SLC24A3: variants seen among roughly 807,000 people sequenced by gnomAD.
SLC24A3 encodes the protein solute carrier family 24 member 3, also known as sodium/potassium/calcium exchanger 3.
A neutral mutation model predicts 75.8 loss-of-function variants in SLC24A3; 28 were observed. That is an observed-to-expected ratio of 0.37 (90% CI 0.27 to 0.51). SLC24A3 has a LOEUF of 0.51. SLC24A3 is among the 20% of genes least tolerant of loss of function. SLC24A3 has a pLI of 0.94. For synonymous variants in SLC24A3, 372 were observed against 334.1 expected, an observed-to-expected ratio of 1.11 and a Z score of -1.24; for missense variants, 663 against 847.8, an observed-to-expected ratio of 0.78 and a Z score of 2.71.
At chr20:19,510,284 G>T (rs1052222375) in intron 2 of SLC24A3, among the ~76,000 whole-genome samples, 11 of 152,148 alleles carry the variant, frequency 7.2e-5, no homozygotes, top group Non-Finnish European at 1.3e-4. Context: ...TAACATTGGG[G>T]TCCTACCATG....
intron 7 of SLC24A3, among the ~76,000 whole-genome samples, chr20:19,656,009 T>C (rs1485793754): frequency 6.6e-6 from 1 of 152,166 alleles, no homozygotes; most frequent in Non-Finnish European, 1.5e-5. Flanking sequence ...TCTCTAGGTT[T>C]CAGTTTTCTT....
intron 2 of SLC24A3, among the ~76,000 whole-genome samples, chr20:19,404,752 A>G (rs572403269): frequency 2.6e-5 from 4 of 152,316 alleles, no homozygotes; most frequent in African/African-American, 4.8e-5. Flanking sequence ...TGCATGATGC[A>G]TGCAGCTCCT....
chr20:19,346,187 T>C (rs1985409162), intron 2 of SLC24A3, among the ~76,000 whole-genome samples: 1 of 79,112 alleles, frequency 1.3e-5, no homozygotes, highest in Non-Finnish European at 2.1e-5. Context: ...ATATATGGTG[T>C]ATATATATAT....
At chr20:19,666,465 C>A (rs1161142653) in intron 8 of SLC24A3, among the ~76,000 whole-genome samples, 1 of 151,986 alleles carries the variant, frequency 6.6e-6, no homozygotes, top group Non-Finnish European at 1.5e-5. Context: ...AAGATCACAC[C>A]ACTGCACTCC....
At chr20:19,526,082 C>T (rs1477933333) in intron 3 of SLC24A3, among the ~76,000 whole-genome samples, 1 of 152,134 alleles carries the variant, frequency 6.6e-6, no homozygotes, top group South Asian at 2.1e-4. Flanking sequence ...GCTGTGTCAC[C>T]CCACTGCCAG....
At chr20:19,548,377 T>A (rs2030636654) in intron 3 of SLC24A3, among the ~76,000 whole-genome samples, 1 of 152,230 alleles carries the variant, frequency 6.6e-6, no homozygotes, top group African/African-American at 2.4e-5. Context: ...GCAGTTTTTT[T>A]AATTTAACAA....
intron 2 of SLC24A3, among the ~76,000 whole-genome samples, chr20:19,508,295 T>C (rs1988489098): frequency 1.3e-5 from 2 of 152,042 alleles, no homozygotes; most frequent in South Asian, 4.1e-4. Flanking sequence ...GAGAGACCAA[T>C]CCCTCAAGTT....
Position 19,256,822 on chromosome 20 carries a change from A to G in SLC24A3, c.143-24137A>G, listed in dbSNP as rs187927681. On this transcript the variant is annotated intron_variant, in intron 1 of 16. Transcript: ENST00000328041. ...TATGATACTTAAGCTATGTATTGAT[A>G]AAGCTGATAAAATAGTTTTTATAAT... Among the ~76,000 whole-genome samples, 10 of 152,210 alleles carry G rather than the reference A, an allele frequency of 6.6e-5. No homozygotes were observed. In the East Asian group the frequency reaches 1.9e-3, roughly 29 times the overall value.
intron 3 of SLC24A3, among the ~76,000 whole-genome samples, chr20:19,555,934 AC>A (rs1281270622): frequency 6.6e-6 from 1 of 152,154 alleles, no homozygotes; most frequent in Non-Finnish European, 1.5e-5. Context: ...TGCCTTATAA[AC>A]CACAGAAATT....
chr20:19,337,489 A>T lies in SLC24A3; in HGVS notation c.271+56402A>T, dbSNP rs536832856. ...ATAAATAAATTAATTAATTAATTAA[A>T]TAAAAGTCCACACATGGTAGTTCTT... On this transcript the variant is annotated intron_variant, in intron 2 of 16. Coordinates refer to ENST00000328041, the MANE Select transcript of SLC24A3 (RefSeq NM_020689.4). Among the ~76,000 whole-genome samples the T allele has an allele frequency of 1.5e-4, 23 of 152,046 alleles. No individual in the cohort carries two copies. In the East Asian group the frequency reaches 2.1e-3, roughly 14 times the overall value.
intron 15 of SLC24A3, among the ~76,000 whole-genome samples, chr20:19,700,229 C>T (rs1451182626): frequency 6.6e-6 from 1 of 152,170 alleles, no homozygotes. Flanking sequence ...TGGTTTTTTA[C>T]TCAAATTCCA....
intron 1 of SLC24A3, among the ~76,000 whole-genome samples, chr20:19,227,963 T>C (rs1341877139): frequency 6.6e-6 from 1 of 152,208 alleles, no homozygotes; most frequent in Non-Finnish European, 1.5e-5. Flanking sequence ...TTCTTTTTGT[T>C]CATAGTGTGT....
intron 3 of SLC24A3, among the ~76,000 whole-genome samples, chr20:19,521,486 G>C (rs975244375): frequency 3.9e-5 from 6 of 152,016 alleles, no homozygotes; most frequent in Admixed American, 2.0e-4. Flanking sequence ...AGCAAAAGTG[G>C]AGACTTATGT....
intron 2 of SLC24A3, among the ~76,000 whole-genome samples, chr20:19,396,176 A>G (rs1456767131): frequency 2.0e-5 from 3 of 152,206 alleles, no homozygotes; most frequent in Non-Finnish European, 2.9e-5. Context: ...TAGCTCGCAA[A>G]GGTTGATGTG....
chr20:19,382,802 G>A (rs1285317455), intron 2 of SLC24A3, among the ~76,000 whole-genome samples: 5 of 152,174 alleles, frequency 3.3e-5, no homozygotes, highest in South Asian at 2.1e-4. Flanking sequence ...GATTCAAGCA[G>A]GAGGTTGTTT....
At chr20:19,275,196 C>T (rs1419333959) in intron 1 of SLC24A3, among the ~76,000 whole-genome samples, 2 of 152,174 alleles carry the variant, frequency 1.3e-5, no homozygotes, top group South Asian at 2.1e-4. Flanking sequence ...AAGGCCACTT[C>T]CCTGGGCTCC....
intron 15 of SLC24A3, among the ~76,000 whole-genome samples, chr20:19,713,099 T>C (rs1367757872): frequency 1.3e-5 from 2 of 152,226 alleles, no homozygotes; most frequent in Admixed American, 1.3e-4. Flanking sequence ...AATTTTACCA[T>C]GTAAAATGGC....
intron 1 of SLC24A3, among the ~76,000 whole-genome samples, chr20:19,272,262 C>T (rs1376091988): frequency 6.6e-6 from 1 of 152,238 alleles, no homozygotes; most frequent in Non-Finnish European, 1.5e-5. Context: ...AACTCAGACT[C>T]CAGTGGTCTC....
chr20:19,575,920 A>C (rs530429456), intron 3 of SLC24A3, among the ~76,000 whole-genome samples: 8 of 152,304 alleles, frequency 5.3e-5, no homozygotes, highest in Non-Finnish European at 1.0e-4. Flanking sequence ...ACATCAGAAA[A>C]AGTGGAGATG....
Sources: allele counts gnomAD v4.1 joint callset (sites outside exome capture counted in the v4.1 genomes callset), GRCh38; gene constraint gnomAD v4.1.1; transcripts MANE v1.5; gene names NCBI Gene and HGNC (gene_info 2026-07-23, HGNC 2026-07-21).